Variants in EXOC6B observed in about 807,000 individuals in gnomAD.
EXOC6B encodes the protein SEC15 homolog B.
Under a neutral mutation model 113.5 loss-of-function variants are expected in EXOC6B, and 54 were observed. The ratio of observed to expected loss-of-function variants is 0.48; its 90% confidence interval spans 0.38 to 0.60. The LOEUF is 0.60. Among genes scored for constraint, EXOC6B ranks in the 20% least tolerant of loss-of-function variants. EXOC6B has a pLI of 0.00. For synonymous variants in EXOC6B, 357 were observed against 339.0 expected (o/e 1.05, Z -0.58); for missense variants, 797 against 977.5 (o/e 0.82, Z 2.46).
At chr2:72,254,200 T>C (rs1457656640) in intron 20 of EXOC6B, among the ~76,000 whole-genome samples, 1 of 152,084 alleles carries the variant, frequency 6.6e-6, no homozygotes, top group African/African-American at 2.4e-5. Context: ...CTCCAGTACT[T>C]AGGAATGTGA....
rs1303278117 is a variant in EXOC6B, at chr2:72,641,831, A to T, written c.670-66163T>A. 2.1e-5 allele frequency among the ~76,000 whole-genome samples: 3 copies of T among 140,374 alleles called. No individual in the cohort carries two copies. The Admixed American group carries it at 2.1e-4, about 10-fold the overall frequency. 92.1% of individuals were successfully genotyped at this position (140,374 alleles called of 152,430 possible). A position where few individuals can be genotyped will look rare whatever the true frequency, so the allele number is the denominator to read the frequency against. ...CAGTAGCGGCCGACTGACACCTCAT[A>T]CAGGAGGGTACCCCTCTGGGACGAA... On this transcript the variant is annotated intron_variant, in intron 6 of 21. Coordinates refer to ENST00000272427, the MANE Select transcript of EXOC6B (RefSeq NM_015189.3).
chr2:72,241,359 G>A (rs954808981), intron 20 of EXOC6B, among the ~76,000 whole-genome samples: 2 of 152,150 alleles, frequency 1.3e-5, no homozygotes, highest in African/African-American at 4.8e-5. Context: ...AGGCAGAAAA[G>A]ATTTCTAAGA....
At chr2:72,654,950 A>G (rs965377341) in intron 6 of EXOC6B, among the ~76,000 whole-genome samples, 1 of 152,134 alleles carries the variant, frequency 6.6e-6, no homozygotes, top group Non-Finnish European at 1.5e-5. Flanking sequence ...TAAATAATTA[A>G]CTCATTCTCA....
chr2:72,810,227 G>GGA (rs1685814947), intron 1 of EXOC6B, among the ~76,000 whole-genome samples: 1 of 151,916 alleles, frequency 6.6e-6, no homozygotes, highest in African/African-American at 2.4e-5. Flanking sequence ...AAAACAATTT[G>GGA]AAATTAGCTG....
intron 1 of EXOC6B, among the ~76,000 whole-genome samples, chr2:72,755,195 A>G (rs998275394): frequency 3.3e-5 from 5 of 152,214 alleles, no homozygotes; most frequent in Non-Finnish European, 7.3e-5. Context: ...GTTCTTGAAC[A>G]AATGCCTAGT....
At chr2:72,204,564 A>AT (rs1470139167) in intron 20 of EXOC6B, among the ~76,000 whole-genome samples, 1 of 151,864 alleles carries the variant, frequency 6.6e-6, no homozygotes, top group Non-Finnish European at 1.5e-5. Flanking sequence ...AAAAAAAAAA[A>AT]AGCAGGTGAC....
At chr2:72,461,498 AT>A (rs1697672997) in intron 18 of EXOC6B, 1 of 151,938 alleles carries the variant, frequency 6.6e-6, no homozygotes, top group African/African-American at 2.4e-5. Context: ...TAACGAATAT[AT>A]TTTTAATGAA....
intron 1 of EXOC6B, among the ~76,000 whole-genome samples, chr2:72,764,950 C>G (rs942036231): frequency 6.6e-6 from 1 of 152,050 alleles, no homozygotes; most frequent in African/African-American, 2.4e-5. Flanking sequence ...TTCTCCTGCT[C>G]CAATCTAAAC....
chr2:72,553,140 T>C (rs1193676035), intron 8 of EXOC6B, among the ~76,000 whole-genome samples: 1 of 152,010 alleles, frequency 6.6e-6, no homozygotes, highest in Non-Finnish European at 1.5e-5. Context: ...TTGAGCAAGG[T>C]TTCTAGATGT....
At chr2:72,357,357 T>C (rs1690024604) in intron 19 of EXOC6B, among the ~76,000 whole-genome samples, 1 of 152,164 alleles carries the variant, frequency 6.6e-6, no homozygotes, top group East Asian at 1.9e-4. Context: ...GATGTTTTAG[T>C]CAACAATCAA....
chr2:72,452,085 G>A (rs998974837), intron 18 of EXOC6B, among the ~76,000 whole-genome samples: 6 of 152,190 alleles, frequency 3.9e-5, no homozygotes, highest in Non-Finnish European at 4.4e-5. Context: ...ACCTCATCGC[G>A]ATATTCCAAG....
chr2:72,196,111 G>A (rs1296804758), intron 20 of EXOC6B, among the ~76,000 whole-genome samples: 1 of 152,148 alleles, frequency 6.6e-6, no homozygotes, highest in African/African-American at 2.4e-5. Context: ...TACCAACAGT[G>A]AATTTCAATC....
intron 19 of EXOC6B, among the ~76,000 whole-genome samples, chr2:72,336,863 T>G (rs1260919678): frequency 2.0e-5 from 3 of 152,034 alleles, no homozygotes. Context: ...ACAAATTAGC[T>G]GGGCATGGTG....
chr2:72,401,657 ATATATATATG>A (rs1259336256), intron 18 of EXOC6B, among the ~76,000 whole-genome samples: 2 of 76,766 alleles, frequency 2.6e-5, no homozygotes, highest in African/African-American at 9.0e-5. Flanking sequence ...ATATATATAT[ATATATATATG>A]TATATATATA....
At chr2:72,713,302 T>A (rs1007012237) in intron 6 of EXOC6B, among the ~76,000 whole-genome samples, 1 of 152,086 alleles carries the variant, frequency 6.6e-6, no homozygotes, top group Admixed American at 6.6e-5. Flanking sequence ...AGACCAACTG[T>A]CAATATTAAG....
At chr2:72,732,258 C>G (rs928015737) in intron 3 of EXOC6B, among the ~76,000 whole-genome samples, 3 of 151,966 alleles carry the variant, frequency 2.0e-5, no homozygotes, top group African/African-American at 7.3e-5. Context: ...AAGAGATCCT[C>G]CCACCTCAGT....
intron 8 of EXOC6B, among the ~76,000 whole-genome samples, chr2:72,522,966 T>C (rs188070020): frequency 1.3e-5 from 2 of 152,260 alleles, no homozygotes; most frequent in Non-Finnish European, 2.9e-5. Flanking sequence ...ACCATACAAA[T>C]GCTAGAACTA....
chr2:72,513,863 A>T (rs1701072774), intron 10 of EXOC6B, among the ~76,000 whole-genome samples: 2 of 152,094 alleles, frequency 1.3e-5, no homozygotes, highest in South Asian at 4.1e-4. Flanking sequence ...ATTCATATTA[A>T]TGAAAAAAGT....
intron 10 of EXOC6B, 66 bp from the exon 11 acceptor site, chr2:72,513,318 T>C (rs1214860310): frequency 1.9e-6 from 3 of 1,588,848 alleles, no homozygotes; most frequent in Non-Finnish European, 2.6e-6. Flanking sequence ...TCTCTGGGGT[T>C]TGACAAGCAT....
Sources: allele counts gnomAD v4.1 joint callset (sites outside exome capture counted in the v4.1 genomes callset), GRCh38; gene constraint gnomAD v4.1.1; transcripts MANE v1.5; gene names NCBI Gene and HGNC (gene_info 2026-07-23, HGNC 2026-07-21).